Variants in DENND1B observed in about 807,000 individuals in gnomAD.
DENND1B encodes the protein DENN domain-containing protein 1B.
DENND1B carries 59 observed loss-of-function variants against 90.1 expected under a neutral mutation model. The observed-to-expected ratio is 0.65, with a 90% confidence interval of 0.53 to 0.81. The LOEUF (loss-of-function observed/expected upper bound fraction) is 0.81, where lower values mean the gene tolerates loss of function less well. DENND1B is among the 40% of genes least tolerant of loss of function. DENND1B has a pLI of 0.00. For synonymous variants in DENND1B, 337 were observed against 324.6 expected (o/e 1.04, Z -0.41); for missense variants, 862 against 912.6 (o/e 0.94, Z 0.71).
intron 1 of DENND1B, among the ~76,000 whole-genome samples, chr1:197,774,864 C>T (rs933389253): frequency 6.6e-6 from 1 of 152,042 alleles, no homozygotes; most frequent in African/African-American, 2.4e-5. Context: ...CCCTGTCCCC[C>T]GAAAGGCGGG....
intron 15 of DENND1B, among the ~76,000 whole-genome samples, chr1:197,582,249 C>T (rs988243271): frequency 3.3e-5 from 5 of 152,090 alleles, no homozygotes; most frequent in African/African-American, 4.8e-5. Context: ...TTAATTGTTG[C>T]CATGCTGACT....
Position 197,540,032 on chromosome 1 carries a change from G to C in DENND1B, c.1447C>G (p.Gln483Glu). ...EDYGTCSSSV[Q>E]YTPVYKLHNE... is the part of the protein sequence containing the mutation. ...TGTAATTTGTAAACTGGTGTATATT[G>C]TACAGAACTAGAACAGGTCCCATAA... Residue 483 changes from glutamine to glutamate, a missense_variant, in exon 20 of 23, where the codon CAA becomes GAA. Transcript: ENST00000620048. 1 of 1,612,938 alleles carries C rather than the reference G, an allele frequency of 6.2e-7. No homozygotes were observed. Among genetic ancestry groups the C allele is most frequent in the Non-Finnish European group, 8.5e-7 (1 of 1,179,380 alleles).
chr1:197,693,379 A>C (rs1658104643), intron 3 of DENND1B, among the ~76,000 whole-genome samples: 1 of 151,724 alleles, frequency 6.6e-6, no homozygotes, highest in South Asian at 2.1e-4. Flanking sequence ...AAAATGCTTA[A>C]ATTTAACAAC....
At chr1:197,543,172 C>T (rs1365173066) in intron 18 of DENND1B, among the ~76,000 whole-genome samples, 3 of 152,036 alleles carry the variant, frequency 2.0e-5, no homozygotes, top group African/African-American at 4.8e-5. Flanking sequence ...TGACCTCAAG[C>T]GATCCACCTG....
intron 20 of DENND1B, among the ~76,000 whole-genome samples, chr1:197,522,468 T>C (rs1007502864): frequency 6.6e-6 from 1 of 152,134 alleles, no homozygotes; most frequent in Non-Finnish European, 1.5e-5. Flanking sequence ...GATTTCAGAA[T>C]CCTTGTCAGT....
At chr1:197,541,079 T>G in intron 18 of DENND1B, 64 bp from the exon 19 acceptor site, 1 of 1,370,892 alleles carries the variant, frequency 7.3e-7, no homozygotes, top group South Asian at 1.2e-5. Context: ...AGAATAAGTA[T>G]ACAAGATCAA....
At chr1:197,740,805 A>G (rs1281092571) in intron 2 of DENND1B, among the ~76,000 whole-genome samples, 1 of 152,198 alleles carries the variant, frequency 6.6e-6, no homozygotes, top group African/African-American at 2.4e-5. Flanking sequence ...AGTCCAGTTT[A>G]TCAATGGTAT....
chr1:197,589,467 A>G (rs973249520), intron 14 of DENND1B, among the ~76,000 whole-genome samples: 6 of 152,190 alleles, frequency 3.9e-5, no homozygotes, highest in African/African-American at 1.4e-4. Flanking sequence ...ATGACATGAA[A>G]GGATGTGTAA....
intron 2 of DENND1B, among the ~76,000 whole-genome samples, chr1:197,727,690 G>A (rs1444899027): frequency 6.6e-6 from 1 of 152,110 alleles, no homozygotes; most frequent in Non-Finnish European, 1.5e-5. Context: ...GCAAACACAA[G>A]TTCACAAAGA....
intron 7 of DENND1B, among the ~76,000 whole-genome samples, chr1:197,647,415 A>G (rs1680819507): frequency 6.6e-6 from 1 of 152,184 alleles, no homozygotes; most frequent in Non-Finnish European, 1.5e-5. Flanking sequence ...ATCTCTGATT[A>G]CTAATGGCCA....
At chr1:197,610,288 G>T (rs997348454) in intron 12 of DENND1B, among the ~76,000 whole-genome samples, 4 of 150,332 alleles carry the variant, frequency 2.7e-5, no homozygotes, top group Admixed American at 6.6e-5. Context: ...ACTTTTTAAG[G>T]AGCAAATAAT....
At chr1:197,592,763 C>T (rs1320197940) in intron 14 of DENND1B, among the ~76,000 whole-genome samples, 3 of 152,106 alleles carry the variant, frequency 2.0e-5, no homozygotes. Context: ...GAGATGGCAC[C>T]TGAGACTGAT....
rs764461153 is a variant in DENND1B, at chr1:197,640,472, C to CA, written c.672+2238dup. On this transcript the variant is annotated intron_variant, in intron 10 of 22. Coordinates refer to ENST00000620048, the MANE Select transcript of DENND1B (RefSeq NM_001195215.2). ...TGGGCAACAAAGTGAGACTCTGTCT[C>CA]AAAAAAAAAAAAAAATTAAATATAA... Among the ~76,000 whole-genome samples, 511 of 91,102 alleles carry CA rather than the reference C, an allele frequency of 5.6e-3. 3 individuals carry two copies. Among genetic ancestry groups the CA allele is most frequent in the Admixed American group, 6.8e-3 (58 of 8,530 alleles). 59.8% of individuals were successfully genotyped at this position (91,102 alleles called of 152,430 possible).
intron 7 of DENND1B, among the ~76,000 whole-genome samples, chr1:197,651,645 CTTTTTTTTTTTT>C (rs34012616): frequency 1.6e-5 from 1 of 61,522 alleles, no homozygotes; most frequent in South Asian, 6.8e-4. Flanking sequence ...ATCAATGCTT[CTTTTTTTTTTTT>C]TTTTTTTTTT....
chr1:197,551,139 TTAA>T (rs1671210465), intron 16 of DENND1B, among the ~76,000 whole-genome samples: 1 of 151,444 alleles, frequency 6.6e-6, no homozygotes, highest in Non-Finnish European at 1.5e-5. Flanking sequence ...TATCTTCTAA[TTAA>T]TAGTTAGAAC....
At position 197,621,034 on chromosome 1, in the gene DENND1B, G is replaced by C. The variant is rs941525410; in HGVS notation, c.673-3275C>G. 5.3e-5 allele frequency among the ~76,000 whole-genome samples: 8 copies of C among 151,302 alleles called. No individual in the cohort carries two copies. In the East Asian group the frequency reaches 1.4e-3, roughly 26 times the overall value. On this transcript the variant is annotated intron_variant, in intron 10 of 22. Transcript: ENST00000620048. ...AGAGCATTCCAGGTAAATTAAACGA[G>C]GCATTCAGAAGTCCCAGGTGAGAAC...
rs1028190251 is a variant in DENND1B at position 197,506,151 on chromosome 1, C to G, written c.*4309G>C. On this transcript the variant is annotated 3_prime_UTR_variant, in exon 23 of 23. Coordinates refer to ENST00000620048, the MANE Select transcript of DENND1B (RefSeq NM_001195215.2). ...GACCTTAAGGCATCTGCCAGAAAAA[C>G]AGATGTACATATTTATATGAACTAA... 1 of 151,528 alleles carries G rather than the reference C, an allele frequency of 6.6e-6. No homozygotes were observed. Among genetic ancestry groups the G allele is most frequent in the Non-Finnish European group, 1.5e-5 (1 of 67,664 alleles). 9.4% of individuals were successfully genotyped at this position (151,528 alleles called of 1,614,324 possible).
chr1:197,693,810 CCTCTTCT>C (rs780927643), intron 3 of DENND1B, among the ~76,000 whole-genome samples: 1 of 151,470 alleles, frequency 6.6e-6, no homozygotes, highest in African/African-American at 2.4e-5. Flanking sequence ...GCTGTTTCCT[CCTCTTCT>C]CCCCAGGGTA....
At chr1:197,667,429 T>C (rs1208570074) in intron 5 of DENND1B, among the ~76,000 whole-genome samples, 1 of 152,096 alleles carries the variant, frequency 6.6e-6, no homozygotes, top group African/African-American at 2.4e-5. Flanking sequence ...TTTATTTTTA[T>C]TTATTATTAT....
Sources: allele counts gnomAD v4.1 joint callset (sites outside exome capture counted in the v4.1 genomes callset), GRCh38; gene constraint gnomAD v4.1.1; transcripts MANE v1.5; gene names NCBI Gene and HGNC (gene_info 2026-07-23, HGNC 2026-07-21).